EYS: variants seen among roughly 807,000 people sequenced by gnomAD.
EYS encodes the protein protein eyes shut homolog.
EYS carries 250 observed loss-of-function variants against 282.1 expected under a neutral mutation model. That is an observed-to-expected ratio of 0.89 (90% CI 0.80 to 0.98). The LOEUF is 0.98. Among genes scored for constraint, EYS ranks in the 50% least tolerant of loss-of-function variants. The pLI is 0.00. For synonymous variants in EYS, 1,355 were observed against 1,282.9 expected (o/e 1.06, Z -1.20); for missense variants, 4,016 against 3,709.0 (o/e 1.08, Z -2.15).
chr6:65,111,186 C>A (rs988525112), intron 12 of EYS, among the ~76,000 whole-genome samples: 4 of 151,590 alleles, frequency 2.6e-5, no homozygotes, highest in Non-Finnish European at 5.9e-5. Flanking sequence ...TTGAGTTTGG[C>A]GTATATATTA....
At chr6:64,695,332 A>T (rs1770535793) in intron 22 of EYS, among the ~76,000 whole-genome samples, 2 of 152,062 alleles carry the variant, frequency 1.3e-5, no homozygotes, top group South Asian at 4.1e-4. Flanking sequence ...TCATTACAAC[A>T]TCTGCTGATA....
intron 2 of EYS, among the ~76,000 whole-genome samples, chr6:65,528,252 C>T (rs1454957428): frequency 1.3e-5 from 2 of 152,096 alleles, no homozygotes; most frequent in Non-Finnish European, 2.9e-5. Flanking sequence ...CAACATTTCT[C>T]CAAGGGGAAC....
At chr6:64,412,020 CAA>C (rs1039729623) in intron 28 of EYS, among the ~76,000 whole-genome samples, 10 of 90,008 alleles carry the variant, frequency 1.1e-4, no homozygotes, top group African/African-American at 3.6e-4. Flanking sequence ...GTTATGAATT[CAA>C]GAGGAATGAA....
At chr6:64,503,753 A>G (rs1483666719) in intron 26 of EYS, among the ~76,000 whole-genome samples, 1 of 150,064 alleles carries the variant, frequency 6.7e-6, no homozygotes, top group Non-Finnish European at 1.5e-5. Context: ...GAGGGCTGAT[A>G]AGGTTTGGCT....
intron 26 of EYS, among the ~76,000 whole-genome samples, chr6:64,573,527 C>T (rs1383477322): frequency 6.6e-6 from 1 of 152,076 alleles, no homozygotes; most frequent in Non-Finnish European, 1.5e-5. Flanking sequence ...CCATTCAATC[C>T]ATCTGACAAA....
intron 12 of EYS, among the ~76,000 whole-genome samples, chr6:65,087,797 T>C (rs928960441): frequency 1.3e-5 from 2 of 152,208 alleles, no homozygotes; most frequent in African/African-American, 2.4e-5. Flanking sequence ...TATCATTCCA[T>C]GCACATGTCT....
At chr6:65,004,910 T>C (rs1479776064) in intron 13 of EYS, among the ~76,000 whole-genome samples, 1 of 148,038 alleles carries the variant, frequency 6.8e-6, no homozygotes, top group Non-Finnish European at 1.5e-5. Flanking sequence ...TTTTTAAAAA[T>C]TATATTTTGT....
At chr6:64,091,767 A>G (rs1251408072) in intron 31 of EYS, among the ~76,000 whole-genome samples, 1 of 152,072 alleles carries the variant, frequency 6.6e-6, no homozygotes, top group African/African-American at 2.4e-5. Flanking sequence ...TTTTTTAATT[A>G]TACTTTAAGT....
In EYS at chr6:64,757,736, TTTTTTCTTTGTGTG is replaced by T. The variant is rs1562174562; in HGVS notation, c.3443+55628_3443+55641del. Among the ~76,000 whole-genome samples, 237 of 131,996 alleles carry T rather than the reference TTTTTTCTTTGTGTG, an allele frequency of 1.8e-3. 1 individual carries two copies. Among genetic ancestry groups the T allele is most frequent in the South Asian group, 6.8e-3 (27 of 3,952 alleles). The allele number at this position is 131,996 out of a possible 152,430, so 86.6% of individuals were successfully genotyped here. A position where few individuals can be genotyped will look rare whatever the true frequency, so the allele number is the denominator to read the frequency against. ...TCTACAAAAGATTAATTTTTTTTCT[TTTTTTCTTTGTGTG>T]TGTGTGTGTGTGTGTGTGTGTGTGT... On this transcript the variant is annotated intron_variant, in intron 22 of 42. Coordinates refer to ENST00000503581, the MANE Select transcript of EYS (RefSeq NM_001142800.2).
chr6:65,600,845 C>T (rs967785264), intron 2 of EYS, among the ~76,000 whole-genome samples: 5 of 151,496 alleles, frequency 3.3e-5, no homozygotes, highest in Non-Finnish European at 5.9e-5. Flanking sequence ...TACTATCTAC[C>T]CTCATGGGCT....
At chr6:65,640,886 T>C (rs1767253176) in intron 1 of EYS, among the ~76,000 whole-genome samples, 1 of 149,814 alleles carries the variant, frequency 6.7e-6, no homozygotes, top group Non-Finnish European at 1.5e-5. Flanking sequence ...TCAGCCACAA[T>C]TTTTTTTTTA....
intron 12 of EYS, among the ~76,000 whole-genome samples, chr6:65,130,041 T>C (rs185490687): frequency 7.3e-5 from 11 of 151,608 alleles, no homozygotes; most frequent in African/African-American, 2.7e-4. Context: ...TTATACTAAG[T>C]GAAGTAATGA....
At chr6:64,728,249 T>G (rs1045663005) in intron 22 of EYS, among the ~76,000 whole-genome samples, 6 of 151,416 alleles carry the variant, frequency 4.0e-5, no homozygotes, top group African/African-American at 1.5e-4. Flanking sequence ...TTTTTTTGTT[T>G]TGTTTTAAAC....
intron 35 of EYS, among the ~76,000 whole-genome samples, chr6:63,875,809 G>C (rs889612159): frequency 1.3e-5 from 2 of 152,252 alleles, no homozygotes; most frequent in Admixed American, 6.5e-5. Flanking sequence ...CATGGGATCG[G>C]TGGTGATATC....
At chr6:65,577,846 C>T (rs969640638) in intron 2 of EYS, among the ~76,000 whole-genome samples, 1 of 151,104 alleles carries the variant, frequency 6.6e-6, no homozygotes, top group African/African-American at 2.4e-5. Flanking sequence ...GCTCAAATTA[C>T]TAATCATCAG....
chr6:65,543,329 T>C (rs899688680), intron 2 of EYS, among the ~76,000 whole-genome samples: 6 of 150,644 alleles, frequency 4.0e-5, no homozygotes, highest in African/African-American at 7.3e-5. Flanking sequence ...TTATTTTACA[T>C]TGGTATTTTC....
Position 65,526,367 on chromosome 6 carries a change from C to T in EYS, c.-332-30374G>A, listed in dbSNP as rs372318939. ...AAAATTTTGAGAAGGTCCTTTGGTC[C>T]GAAATATCTTAGAATATTTCTTTTC... On this transcript the variant is annotated intron_variant, in intron 2 of 42. Coordinates refer to ENST00000503581, the MANE Select transcript of EYS (RefSeq NM_001142800.2). Among the ~76,000 whole-genome samples, 57 of 152,166 alleles carry T rather than the reference C, an allele frequency of 3.7e-4. No homozygotes were observed. In the Middle Eastern group the frequency reaches 0.01, roughly 27 times the overall value.
At chr6:63,968,639 G>A (rs1582050049) in intron 35 of EYS, among the ~76,000 whole-genome samples, 1 of 152,248 alleles carries the variant, frequency 6.6e-6, no homozygotes, top group East Asian at 1.9e-4. Context: ...TACAAGGCTC[G>A]AAAGGTGAAG....
chr6:65,562,783 TG>T (rs1769118399), intron 2 of EYS, among the ~76,000 whole-genome samples: 1 of 152,134 alleles, frequency 6.6e-6, no homozygotes, highest in African/African-American at 2.4e-5. Flanking sequence ...AAGTTTCCTT[TG>T]GTAACTGTTA....
Sources: allele counts gnomAD v4.1 joint callset (sites outside exome capture counted in the v4.1 genomes callset), GRCh38; gene constraint gnomAD v4.1.1; transcripts MANE v1.5; gene names NCBI Gene and HGNC (gene_info 2026-07-23, HGNC 2026-07-21).